The following METTL25 variants were observed in gnomAD, a reference collection of about 807,000 sequenced individuals.
METTL25 encodes the protein methyltransferase like 25, also known as probable methyltransferase-like protein 25.
Under a neutral mutation model 71.6 loss-of-function variants are expected in METTL25, and 64 were observed. The observed-to-expected ratio is 0.89, with a 90% CI of 0.73 to 1.10. The LOEUF is 1.10. METTL25 is among the 50% of genes least tolerant of loss of function. METTL25 has a pLI of 0.00. For synonymous variants in METTL25, 287 were observed against 250.3 expected (o/e 1.15, Z -1.38); for missense variants, 807 against 707.0 (o/e 1.14, Z -1.60).
Position 82,379,959 on chromosome 12 carries a change from A to G in METTL25, c.260-6844A>G, listed in dbSNP as rs1884265628. On this transcript the variant is annotated intron_variant, in intron 1 of 11. Coordinates refer to ENST00000248306, the MANE Select transcript of METTL25 (RefSeq NM_032230.3). ...AGCTAAGTGTGCATATTGATCTTTC[A>G]GTTTCTTCTCTAGTAGCCTGTAAGA... Among the ~76,000 whole-genome samples, 5 of 152,268 alleles carry G rather than the reference A, an allele frequency of 3.3e-5. No individual in the cohort carries two copies. The South Asian group carries it at 1.0e-3, about 32-fold the overall frequency.
At chr12:82,382,142 T>G (rs1309648174) in intron 1 of METTL25, among the ~76,000 whole-genome samples, 2 of 152,218 alleles carry the variant, frequency 1.3e-5, no homozygotes, top group African/African-American at 2.4e-5. Context: ...AAATGTTCAG[T>G]TGAGTTTTGA....
intron 5 of METTL25, among the ~76,000 whole-genome samples, chr12:82,416,446 G>GTTT (rs5799585): frequency 1.5e-4 from 21 of 136,782 alleles, no homozygotes; most frequent in South Asian, 4.6e-4. Flanking sequence ...TATCATTTAG[G>GTTT]TTTTTTTTTT....
intron 8 of METTL25, among the ~76,000 whole-genome samples, chr12:82,452,208 TATAA>T (rs1891198489): frequency 6.6e-6 from 1 of 152,246 alleles, no homozygotes; most frequent in African/African-American, 2.4e-5. Flanking sequence ...CGCGTTCTCT[TATAA>T]ATAAGACTGC....
intron 1 of METTL25, among the ~76,000 whole-genome samples, chr12:82,373,381 A>G (rs554507280): frequency 9.9e-5 from 15 of 152,280 alleles, no homozygotes; most frequent in African/African-American, 3.1e-4. Context: ...CCCTCCTACA[A>G]TGGGGCTTTG....
At chr12:82,392,337 T>C (rs1476716734) in intron 3 of METTL25, among the ~76,000 whole-genome samples, 5 of 148,572 alleles carry the variant, frequency 3.4e-5, no homozygotes, top group Non-Finnish European at 7.4e-5. Flanking sequence ...TTCCCACCTA[T>C]GAGTGAGAAT....
intron 1 of METTL25, among the ~76,000 whole-genome samples, chr12:82,359,227 A>G (rs922988439): frequency 6.6e-6 from 1 of 152,232 alleles, no homozygotes; most frequent in African/African-American, 2.4e-5. Context: ...TAGAAAATAA[A>G]AACAGTGTAA....
intron 3 of METTL25, among the ~76,000 whole-genome samples, chr12:82,396,932 C>T (rs947747090): frequency 1.3e-5 from 2 of 151,980 alleles, no homozygotes; most frequent in African/African-American, 4.8e-5. Flanking sequence ...TGCCTTGTTC[C>T]ATTTTATTGC....
intron 1 of METTL25, among the ~76,000 whole-genome samples, chr12:82,377,837 A>C (rs1488624566): frequency 1.3e-5 from 2 of 152,232 alleles, no homozygotes; most frequent in Non-Finnish European, 2.9e-5. Flanking sequence ...ACTGCATCAA[A>C]AAAAGGCTTA....
At chr12:82,466,501 G>T (rs542144668) in intron 9 of METTL25, among the ~76,000 whole-genome samples, 1 of 151,780 alleles carries the variant, frequency 6.6e-6, no homozygotes, top group East Asian at 1.9e-4. Flanking sequence ...AGACTTTTTT[G>T]TGTCCTAAGG....
intron 8 of METTL25, among the ~76,000 whole-genome samples, chr12:82,439,422 T>G (rs1890162552): frequency 6.6e-6 from 1 of 151,892 alleles, no homozygotes; most frequent in Non-Finnish European, 1.5e-5. Flanking sequence ...TCTTGCTAAT[T>G]ACAATTTTAG....
intron 8 of METTL25, among the ~76,000 whole-genome samples, chr12:82,452,931 G>C (rs2137241987): frequency 6.6e-6 from 1 of 152,260 alleles, no homozygotes; most frequent in East Asian, 1.9e-4. Context: ...TATAAGGGTA[G>C]AGTGCAGATT....
intron 3 of METTL25, 147 bp from the exon 4 acceptor site, chr12:82,398,648 A>G: frequency 2.5e-6 from 1 of 407,952 alleles, no homozygotes; most frequent in Non-Finnish European, 4.1e-6. Flanking sequence ...AATAAAAATG[A>G]TGAGTGGTTG....
chr12:82,407,531 T>G (rs1429523798), intron 5 of METTL25, among the ~76,000 whole-genome samples: 4 of 152,122 alleles, frequency 2.6e-5, no homozygotes, highest in Non-Finnish European at 5.9e-5. Flanking sequence ...CAAACAATGC[T>G]AGGCTTCAGT....
chr12:82,426,562 A>G (rs978196354), intron 5 of METTL25, among the ~76,000 whole-genome samples: 47 of 152,006 alleles, frequency 3.1e-4, no homozygotes, highest in African/African-American at 1.1e-3. Context: ...ACCCTCTGTC[A>G]GCCTTTGTTG....
chr12:82,452,149 A>C (rs1463555547), intron 8 of METTL25, among the ~76,000 whole-genome samples: 1 of 152,196 alleles, frequency 6.6e-6, no homozygotes, highest in Non-Finnish European at 1.5e-5. Flanking sequence ...AATGCCATAA[A>C]TGATACTCTC....
chr12:82,435,534 A>G (rs892200892), intron 7 of METTL25, among the ~76,000 whole-genome samples: 1 of 151,364 alleles, frequency 6.6e-6, no homozygotes, highest in Non-Finnish European at 1.5e-5. Context: ...GCGTTAGAGC[A>G]TATCATTTGA....
intron 5 of METTL25, among the ~76,000 whole-genome samples, chr12:82,410,462 G>A (rs1446340733): frequency 6.6e-6 from 1 of 152,054 alleles, no homozygotes; most frequent in African/African-American, 2.4e-5. Flanking sequence ...AGGATATTGA[G>A]GAATAAAGCA....
At chr12:82,405,805 C>T (rs941593658) in intron 5 of METTL25, among the ~76,000 whole-genome samples, 10 of 152,144 alleles carry the variant, frequency 6.6e-5, no homozygotes, top group African/African-American at 2.4e-4. Flanking sequence ...CACCAGATTC[C>T]ATTCACTTTT....
intron 5 of METTL25, among the ~76,000 whole-genome samples, chr12:82,410,456 T>C (rs562599004): frequency 7.2e-5 from 11 of 152,234 alleles, no homozygotes; most frequent in African/African-American, 1.9e-4. Flanking sequence ...GTTTGGAGGA[T>C]ATTGAGGAAT....
Sources: allele counts gnomAD v4.1 joint callset (sites outside exome capture counted in the v4.1 genomes callset), GRCh38; gene constraint gnomAD v4.1.1; transcripts MANE v1.5; gene names NCBI Gene and HGNC (gene_info 2026-07-23, HGNC 2026-07-21).